Variants in AGPAT4 observed in about 807,000 individuals in gnomAD.
AGPAT4 encodes 1-acylglycerol-3-phosphate O-acyltransferase 4.
In AGPAT4, 15 loss-of-function variants were observed where a neutral mutation model predicts 48.0. That is an observed-to-expected ratio of 0.31 (90% CI 0.21 to 0.48). AGPAT4 has a LOEUF of 0.48. Ranked by LOEUF, AGPAT4 falls within the 20% of genes least tolerant of loss-of-function variation. The pLI is 0.99. For synonymous variants in AGPAT4, 178 were observed against 198.7 expected (o/e 0.90, Z 0.88); for missense variants, 314 against 482.5 (o/e 0.65, Z 3.27).
Position 161,261,240 on chromosome 6 carries a change from T to C in AGPAT4, c.-90+12698A>G, listed in dbSNP as rs1425599026. Among the ~76,000 whole-genome samples the C allele has an allele frequency of 6.6e-6, 1 of 152,174 alleles. No individual in the cohort carries two copies. Among genetic ancestry groups the C allele is most frequent in the Non-Finnish European group, 1.5e-5 (1 of 68,042 alleles). The stretch of plus-strand genomic sequence containing the variant: ...TCTCTATTAGCCATGAAGCTCACTG[T>C]CACAGAATGTGGCCACTTACTGACT... On this transcript the variant is annotated intron_variant, in intron 1 of 8. Transcript: ENST00000320285. The surrounding 1 kb of genome is among the most constrained non-coding windows in gnomAD (Gnocchi z 5.3).
rs1781648832 is a variant in AGPAT4, at chr6:161,216,417, A to G, written c.178+15619T>C. On this transcript the variant is annotated intron_variant, in intron 2 of 8. Coordinates refer to ENST00000320285, the MANE Select transcript of AGPAT4 (RefSeq NM_020133.3). This position sits in a 1 kb window ranked among gnomAD's most constrained non-coding sequence, Gnocchi z 4.8. The stretch of plus-strand genomic sequence containing the variant: ...ACTGCCTTCTACAATCTTCAGGCTC[A>G]CTCTCCTCAGGACAGTGAAACGCTT... 6.6e-6 allele frequency among the ~76,000 whole-genome samples: 1 copy of G among 151,996 alleles called. No individual in the cohort carries two copies. Among genetic ancestry groups the G allele is most frequent in the Non-Finnish European group, 1.5e-5 (1 of 68,002 alleles).
At chr6:161,193,496 G>A (rs781164956) in intron 2 of AGPAT4, among the ~76,000 whole-genome samples, 2 of 152,188 alleles carry the variant, frequency 1.3e-5, no homozygotes, top group Non-Finnish European at 2.9e-5. Context: ...CAAGCAGGCC[G>A]CTCTGTGGTC....
At chr6:161,224,346 T>C (rs1184280873) in intron 2 of AGPAT4, among the ~76,000 whole-genome samples, 1 of 152,094 alleles carries the variant, frequency 6.6e-6, no homozygotes, top group Non-Finnish European at 1.5e-5. Flanking sequence ...ATAAGATCTT[T>C]AGAAAACCAG....
chr6:161,191,675 T>A (rs1177975311), intron 2 of AGPAT4, among the ~76,000 whole-genome samples: 1 of 152,194 alleles, frequency 6.6e-6, no homozygotes, highest in African/African-American at 2.4e-5. Flanking sequence ...ATTGCAGCTG[T>A]TTGACTTTTG....
intron 2 of AGPAT4, among the ~76,000 whole-genome samples, chr6:161,173,107 T>C (rs1780324534): frequency 6.6e-6 from 1 of 152,236 alleles, no homozygotes; most frequent in Non-Finnish European, 1.5e-5. Context: ...TAAACATATG[T>C]GTACATGTGT....
In AGPAT4 at chr6:161,238,335, C is replaced by A. The variant is rs569092209; in HGVS notation, c.-89-6033G>T. Among the ~76,000 whole-genome samples the A allele has an allele frequency of 1.5e-4, 23 of 152,244 alleles. No homozygotes were observed. Among genetic ancestry groups the A allele is most frequent in the African/African-American group, 5.3e-4 (22 of 41,540 alleles). ...GCCAGGATGCCTGGAACGGGGAAAA[C>A]CCCAAGTAATGGGGGATTTTTCTAT... On this transcript the variant is annotated intron_variant, in intron 1 of 8. Coordinates refer to ENST00000320285, the MANE Select transcript of AGPAT4 (RefSeq NM_020133.3). This position sits in a 1 kb window ranked among gnomAD's most constrained non-coding sequence, Gnocchi z 5.2.
In AGPAT4 at chr6:161,164,937, C is replaced by T. The variant is rs1780049412; in HGVS notation, c.348+1311G>A. ...CAGTTTGAATTCCAGGAGACGCTGG[C>T]ACCTCAGAAAGCCTAGCTGTAAAGG... On this transcript the variant is annotated intron_variant, in intron 3 of 8. Transcript: ENST00000320285. The surrounding 1 kb of genome is among the most constrained non-coding windows in gnomAD (Gnocchi z 7.4). 6.6e-6 allele frequency among the ~76,000 whole-genome samples: 1 copy of T among 152,194 alleles called. No homozygotes were observed. The highest frequency in any genetic ancestry group is 6.5e-5 in the Admixed American group (1 of 15,284).
rs115239818 is a variant in AGPAT4, at chr6:161,232,203, G to A, written c.11C>T (p.Ala4Val). Residue 4 changes from alanine to valine, a missense_variant, in exon 2 of 9, where the codon GCG becomes GTG. By Grantham distance (64) the Ala-to-Val change is moderately conservative. Transcript: ENST00000320285. The surrounding 1 kb of genome is among the most constrained non-coding windows in gnomAD (Gnocchi z 6.8). ...CAGGAACTGAGACTTCAGCAGTCCC[G>A]CGAGGTCCATGATGCGTGGACGCTC... MDLAGLLKSQFLCH... is the reference protein window; with the variant it reads MDLVGLLKSQFLCH... 6.1e-4 allele frequency: 988 copies of A among 1,613,900 alleles called. 6 individuals are homozygous for A. In the Middle Eastern group the frequency reaches 0.012, roughly 20 times the overall value.
At chr6:161,153,651 A>G (rs918488349) in intron 4 of AGPAT4, 152 bp from the exon 5 acceptor site, 22 of 942,658 alleles carry the variant, frequency 2.3e-5, no homozygotes, top group Non-Finnish European at 3.0e-5. Flanking sequence ...CTGAGGTCAC[A>G]CACAGCCCTG....
At chr6:161,145,877 T>C (rs6455707) in intron 7 of AGPAT4, among the ~76,000 whole-genome samples, 28,196 of 151,672 alleles carry the variant, frequency 0.19, 3,625 homozygotes, top group African/African-American at 0.32. Context: ...GACCTGGCCA[T>C]AAAAATGCTT....
rs756630181 is a variant in AGPAT4, at chr6:161,196,764, G to A, written c.179-30347C>T. Among the ~76,000 whole-genome samples, 7 of 150,736 alleles carry A rather than the reference G, an allele frequency of 4.6e-5. No individual in the cohort carries two copies. Among genetic ancestry groups the A allele is most frequent in the Admixed American group, 2.0e-4 (3 of 15,112 alleles). On this transcript the variant is annotated intron_variant, in intron 2 of 8. Coordinates refer to ENST00000320285, the MANE Select transcript of AGPAT4 (RefSeq NM_020133.3). The surrounding 1 kb of genome is among the most constrained non-coding windows in gnomAD (Gnocchi z 4.3). ...GCGGAGATTGCAGTGAGCCGAGATC[G>A]TGCTACTGTACTCCAGCCTAGGCAA...
At position 161,233,109 on chromosome 6, in the gene AGPAT4, CCACACACACA is replaced by C. The variant is rs56226316; in HGVS notation, c.-89-817_-89-808del. On this transcript the variant is annotated intron_variant, in intron 1 of 8. Coordinates refer to ENST00000320285, the MANE Select transcript of AGPAT4 (RefSeq NM_020133.3). The surrounding 1 kb of genome is among the most constrained non-coding windows in gnomAD (Gnocchi z 5.4). Reference sequence around the variant, plus strand: ...AGACACATAGACACACACACAAACACCACACACACACACACACACACACACACACACACAC... The same window carrying C: ...AGACACATAGACACACACACAAACACCACACACACACACACACACACACAC... Among the ~76,000 whole-genome samples, 1,880 of 147,378 alleles carry C rather than the reference CCACACACACA, an allele frequency of 0.013. 45 individuals carry two copies. The highest frequency in any genetic ancestry group is 0.045 in the African/African-American group (1,795 of 40,260).
rs1165166927 is a variant in AGPAT4 at position 161,222,669 on chromosome 6, C to T, written c.178+9367G>A. ...GACAAAAATAAATCTTGAAGTAAAC[C>T]GATGGTCACAATTATTGAAATTTCT... On this transcript the variant is annotated intron_variant, in intron 2 of 8. Transcript: ENST00000320285. This position sits in a 1 kb window ranked among gnomAD's most constrained non-coding sequence, Gnocchi z 5.9. Among the ~76,000 whole-genome samples, 1 of 151,802 alleles carries T rather than the reference C, an allele frequency of 6.6e-6. No homozygotes were observed. The highest frequency in any genetic ancestry group is 1.5e-5 in the Non-Finnish European group (1 of 67,976).
chr6:161,273,794 T>G (rs868355555), intron 1 of AGPAT4, 144 bp downstream of exon 1: 1 of 72,270 alleles, frequency 1.4e-5, no homozygotes, highest in Non-Finnish European at 3.0e-5. Flanking sequence ...CGCCTTGCAC[T>G]CCCCCCCCGC....
chr6:161,181,953 T>C (rs1024113831), intron 2 of AGPAT4, among the ~76,000 whole-genome samples: 1 of 152,146 alleles, frequency 6.6e-6, no homozygotes, highest in Non-Finnish European at 1.5e-5. Context: ...CCACAGCACA[T>C]GAATGATAGT....
At position 161,189,097 on chromosome 6, in the gene AGPAT4, T is replaced by C. The variant is rs1405060584; in HGVS notation, c.179-22680A>G. Among the ~76,000 whole-genome samples the C allele has an allele frequency of 1.3e-5, 2 of 152,336 alleles. No individual in the cohort carries two copies. The highest frequency in any genetic ancestry group is 6.5e-5 in the Admixed American group (1 of 15,294). ...TATATCCCCATCTTTAAAACATCCC[T>C]GATAAATCATTTTGCCAGGGTTTCA... On this transcript the variant is annotated intron_variant, in intron 2 of 8. Coordinates refer to ENST00000320285, the MANE Select transcript of AGPAT4 (RefSeq NM_020133.3). This position sits in a 1 kb window ranked among gnomAD's most constrained non-coding sequence, Gnocchi z 5.3.
chr6:161,222,261 A>G lies in AGPAT4; in HGVS notation c.178+9775T>C, dbSNP rs1388923663. Among the ~76,000 whole-genome samples the G allele has an allele frequency of 6.6e-6, 1 of 152,176 alleles. No homozygotes were observed. The highest frequency in any genetic ancestry group is 6.5e-5 in the Admixed American group (1 of 15,278). On this transcript the variant is annotated intron_variant, in intron 2 of 8. Transcript: ENST00000320285. The surrounding 1 kb of genome is among the most constrained non-coding windows in gnomAD (Gnocchi z 5.9). ...TATATTTTCCTTTTCTACTCATTCC[A>G]TAAGCTGTTCCTTATTTTGTCCTTT...
Position 161,218,693 on chromosome 6 carries a change from G to C in AGPAT4, c.178+13343C>G, listed in dbSNP as rs372664960. On this transcript the variant is annotated intron_variant, in intron 2 of 8. Coordinates refer to ENST00000320285, the MANE Select transcript of AGPAT4 (RefSeq NM_020133.3). This position sits in a 1 kb window ranked among gnomAD's most constrained non-coding sequence, Gnocchi z 4.7. ...AACAGCCACTTGGAAGCTATAAAGG[G>C]AGCCATAAGGATGCTAGAAAATAAC... Among the ~76,000 whole-genome samples the C allele has an allele frequency of 7.2e-5, 11 of 152,238 alleles. 1 individual carries two copies. The South Asian group carries it at 2.3e-3, about 32-fold the overall frequency.
intron 2 of AGPAT4, among the ~76,000 whole-genome samples, chr6:161,168,134 G>A (rs1437519957): frequency 6.6e-6 from 1 of 151,980 alleles, no homozygotes; most frequent in Non-Finnish European, 1.5e-5. Flanking sequence ...TGGTGGGGTG[G>A]GGGGCTAGGG....
Sources: allele counts gnomAD v4.1 joint callset (sites outside exome capture counted in the v4.1 genomes callset), GRCh38; gene constraint gnomAD v4.1.1; non-coding constraint Gnocchi (gnomAD v3.1); transcripts MANE v1.5; gene names NCBI Gene and HGNC (gene_info 2026-07-23, HGNC 2026-07-21).